RALGPS2: variants seen among roughly 807,000 people sequenced by gnomAD.
RALGPS2 encodes ras-specific guanine nucleotide-releasing factor RalGPS2.
RALGPS2 carries 43 observed loss-of-function variants against 86.8 expected under a neutral mutation model. The ratio of observed to expected loss-of-function variants is 0.50; its 90% confidence interval spans 0.39 to 0.64. RALGPS2 has a LOEUF of 0.64. Ranked by LOEUF, RALGPS2 falls within the 30% of genes least tolerant of loss-of-function variation. RALGPS2 has a pLI of 0.00. For synonymous variants in RALGPS2, 243 were observed against 231.3 expected, an observed-to-expected ratio of 1.05 and a Z score of -0.46; for missense variants, 536 against 694.6, an observed-to-expected ratio of 0.77 and a Z score of 2.57.
intron 1 of RALGPS2, among the ~76,000 whole-genome samples, chr1:178,737,284 C>T (rs372402747): frequency 1.3e-5 from 2 of 152,152 alleles, no homozygotes; most frequent in East Asian, 1.9e-4. Context: ...CTTGCTCTGT[C>T]GCCCAGGCTG....
intron 1 of RALGPS2, among the ~76,000 whole-genome samples, chr1:178,735,598 A>ATTT (rs1250223641): frequency 3.5e-5 from 2 of 57,470 alleles, no homozygotes; most frequent in Non-Finnish European, 7.0e-5. Context: ...TAATTTTTGT[A>ATTT]TTCTTTTTTT....
At chr1:178,797,099 A>G (rs1338368165) in intron 4 of RALGPS2, among the ~76,000 whole-genome samples, 1 of 152,192 alleles carries the variant, frequency 6.6e-6, no homozygotes, top group African/African-American at 2.4e-5. Context: ...CATACCCTTG[A>G]AAAAAGCATC....
At chr1:178,769,151 C>T (rs562271183) in intron 1 of RALGPS2, among the ~76,000 whole-genome samples, 1 of 151,966 alleles carries the variant, frequency 6.6e-6, no homozygotes, top group Admixed American at 6.5e-5. Flanking sequence ...GTCTTCCTGG[C>T]CATAGAGCAG....
At chr1:178,907,996 T>C (rs1660458602) in intron 19 of RALGPS2, among the ~76,000 whole-genome samples, 1 of 152,186 alleles carries the variant, frequency 6.6e-6, no homozygotes, top group Non-Finnish European at 1.5e-5. Context: ...CATGGGTATA[T>C]TGTGTGTCAC....
chr1:178,828,264 A>G (rs909247428), intron 7 of RALGPS2, among the ~76,000 whole-genome samples: 2 of 152,208 alleles, frequency 1.3e-5, no homozygotes, highest in Admixed American at 1.3e-4. Flanking sequence ...TTTCGGAGAA[A>G]TGTGTTGTTT....
intron 4 of RALGPS2, among the ~76,000 whole-genome samples, chr1:178,797,088 T>C (rs1479607577): frequency 6.6e-6 from 1 of 152,186 alleles, no homozygotes; most frequent in African/African-American, 2.4e-5. Context: ...TATTCCTAAG[T>C]CATACCCTTG....
chr1:178,732,985 G>T (rs908459993), intron 1 of RALGPS2, among the ~76,000 whole-genome samples: 6 of 152,050 alleles, frequency 3.9e-5, no homozygotes, highest in African/African-American at 1.4e-4. Context: ...GTTTACATGG[G>T]TATATTTTGA....
intron 17 of RALGPS2, among the ~76,000 whole-genome samples, chr1:178,899,150 T>C (rs955675172): frequency 1.3e-5 from 2 of 151,960 alleles, no homozygotes; most frequent in Non-Finnish European, 1.5e-5. Flanking sequence ...AAGTTATAAC[T>C]GAATTTGTCA....
intron 8 of RALGPS2, chr1:178,852,860 AT>A (rs1221693874): frequency 2.5e-6 from 4 of 1,613,944 alleles, no homozygotes; most frequent in Non-Finnish European, 3.4e-6. Flanking sequence ...CAGTCTTCTA[AT>A]TCAATCAATA....
Position 178,865,626 on chromosome 1 carries a change from A to G in RALGPS2, c.608-11872A>G. The G allele has an allele frequency of 2.5e-6, 4 of 1,613,990 alleles. No individual in the cohort carries two copies. Among genetic ancestry groups the G allele is most frequent in the Non-Finnish European group, 2.5e-6 (3 of 1,179,942 alleles). On this transcript the variant is annotated intron_variant, in intron 8 of 19. Transcript: ENST00000367635. ...CTTTGTTCAGGTACCAGGAATGTGT[A>G]TGCACATTTCTTTGCTTCCTCTTTA...
chr1:178,736,181 T>TTC (rs1553257806), intron 1 of RALGPS2, among the ~76,000 whole-genome samples: 3 of 148,430 alleles, frequency 2.0e-5, no homozygotes, highest in Non-Finnish European at 4.5e-5. Context: ...TTTTTTTTTT[T>TTC]CTGAGACAGA....
chr1:178,894,039 T>C lies in RALGPS2; in HGVS notation c.1431+15T>C, dbSNP rs748175952. The C allele has an allele frequency of 6.2e-6, 9 of 1,441,548 alleles. No individual in the cohort carries two copies. Among genetic ancestry groups the C allele is most frequent in the Non-Finnish European group, 8.7e-6 (9 of 1,036,692 alleles). 89.3% of individuals were successfully genotyped at this position (1,441,548 alleles called of 1,614,324 possible). A position where few individuals can be genotyped will look rare whatever the true frequency, so the allele number is the denominator to read the frequency against. On this transcript the variant is annotated intron_variant, in intron 16 of 19. Transcript: ENST00000367635. Reference sequence around the variant, plus strand: ...AAAAGCCTACAGTAAGATTTCATCATATTATATTTTAATACACCTCTAAAA... The same window carrying C: ...AAAAGCCTACAGTAAGATTTCATCACATTATATTTTAATACACCTCTAAAA...
intron 1 of RALGPS2, among the ~76,000 whole-genome samples, chr1:178,727,849 A>G (rs1454194255): frequency 6.6e-6 from 1 of 152,186 alleles, no homozygotes; most frequent in Non-Finnish European, 1.5e-5. Flanking sequence ...TTATCATTTA[A>G]GCCCTGATGG....
At chr1:178,758,704 A>G (rs1652074862) in intron 1 of RALGPS2, among the ~76,000 whole-genome samples, 1 of 152,150 alleles carries the variant, frequency 6.6e-6, no homozygotes. Flanking sequence ...CTCCAGTTCC[A>G]TCCATGTTGT....
rs775853168 is a variant in RALGPS2, at chr1:178,821,670, G to C, written c.446G>C (p.Ser149Thr). 1 of 1,613,236 alleles carries C rather than the reference G, an allele frequency of 6.2e-7. No homozygotes were observed. Among genetic ancestry groups the C allele is most frequent in the South Asian group, 1.1e-5 (1 of 90,956 alleles). ...ALMAVVSGLQSAPIFRLTKTW... is the reference protein window; with the variant it reads ...ALMAVVSGLQTAPIFRLTKTW... ...ATGGCAGTGGTTTCTGGCCTACAGAGTGCCCCAATTTTCAGGTTGACTAAA... is the reference window on the plus strand; with the variant it reads ...ATGGCAGTGGTTTCTGGCCTACAGACTGCCCCAATTTTCAGGTTGACTAAA... Residue 149 changes from serine to threonine, a missense_variant, in exon 7 of 20, where the codon AGT becomes ACT. By Grantham distance (58) the Ser-to-Thr change is moderately conservative. Coordinates refer to ENST00000367635, the MANE Select transcript of RALGPS2 (RefSeq NM_152663.5).
At chr1:178,840,529 A>C (rs1572387486) in intron 8 of RALGPS2, among the ~76,000 whole-genome samples, 2 of 152,300 alleles carry the variant, frequency 1.3e-5, no homozygotes, top group South Asian at 4.1e-4. Context: ...TATAGCACTA[A>C]ATGCCCACAA....
intron 1 of RALGPS2, among the ~76,000 whole-genome samples, chr1:178,774,581 T>C (rs1354433350): frequency 6.6e-6 from 1 of 152,240 alleles, no homozygotes; most frequent in Non-Finnish European, 1.5e-5. Context: ...GAATCTGGAT[T>C]ATCAGCTGGT....
intron 4 of RALGPS2, among the ~76,000 whole-genome samples, chr1:178,807,216 G>A (rs922022350): frequency 6.6e-6 from 1 of 152,142 alleles, no homozygotes; most frequent in Non-Finnish European, 1.5e-5. Flanking sequence ...CACACCTGTA[G>A]CCCCAGCTAC....
intron 18 of RALGPS2, among the ~76,000 whole-genome samples, chr1:178,903,342 C>T (rs1378986388): frequency 6.6e-6 from 1 of 152,042 alleles, no homozygotes; most frequent in African/African-American, 2.4e-5. Context: ...AGAATAAATA[C>T]ACCCTACTCA....
Sources: gnomAD v4.1 joint callset for allele counts (sites outside exome capture counted in the v4.1 genomes callset) on GRCh38, gnomAD v4.1.1 for gene constraint, MANE v1.5 for transcripts, NCBI Gene and HGNC (gene_info 2026-07-23, HGNC 2026-07-21) for gene names.